FOXM1: variants seen among roughly 807,000 people sequenced by gnomAD.
FOXM1 encodes forkhead box protein M1.
In FOXM1, 25 loss-of-function variants were observed where a neutral mutation model predicts 63.6. The ratio of observed to expected loss-of-function variants is 0.39; its 90% CI spans 0.29 to 0.55. The LOEUF is 0.55. FOXM1 is among the 20% of genes least tolerant of loss of function. The pLI, the probability that FOXM1 is intolerant of heterozygous loss-of-function variation, is 0.60. For missense variants in FOXM1, 879 were observed against 958.7 expected (o/e 0.92, Z 1.10); for synonymous variants, 387 against 376.9 (o/e 1.03, Z -0.31).
chr12:2,867,754 T>A (rs1288978527), intron 4 of FOXM1, among the ~76,000 whole-genome samples: 1 of 149,614 alleles, frequency 6.7e-6, no homozygotes, highest in Non-Finnish European at 1.5e-5. Context: ...GACGGGTGGA[T>A]CATTTGAGGT....
At position 2,874,484 on chromosome 12, in the gene FOXM1, A is replaced by G. The variant is rs1423228919; in HGVS notation, c.-6T>C. 1.9e-6 allele frequency: 3 copies of G among 1,599,378 alleles called. No individual in the cohort carries two copies. Among genetic ancestry groups the G allele is most frequent in the Admixed American group, 3.5e-5 (2 of 57,926 alleles). ...CGACGGGGGCTAGTTTTCATTATGA[A>G]TCTGCGTTTTCACTCTCCATTGAGA... On this transcript the variant is annotated 5_prime_UTR_variant, in exon 2 of 9. Transcript: ENST00000359843. This position sits in a 1 kb window ranked among gnomAD's most constrained non-coding sequence, Gnocchi z 4.3.
chr12:2,864,994 C>G lies in FOXM1; in HGVS notation c.1021-242G>C, dbSNP rs2098120540. ...GGCACTACCGCTTCACCCACGTGTC[C>G]TCAACACCCCTGGGGGATGCCAGAG... On this transcript the variant is annotated intron_variant, in intron 6 of 8. Coordinates refer to ENST00000359843, the MANE Select transcript of FOXM1 (RefSeq NM_021953.4). This position sits in a 1 kb window ranked among gnomAD's most constrained non-coding sequence, Gnocchi z 5.1. The G allele has an allele frequency of 1.7e-6, 1 of 595,122 alleles. No homozygotes were observed. Among genetic ancestry groups the G allele is most frequent in the Admixed American group, 2.9e-5 (1 of 34,928 alleles). 36.9% of individuals were successfully genotyped at this position (595,122 alleles called of 1,614,324 possible).
At chr12:2,859,774 T>G (rs1469599616) in intron 8 of FOXM1, 111 bp from the exon 9 acceptor site, 3 of 775,916 alleles carry the variant, frequency 3.9e-6, no homozygotes, top group African/African-American at 1.8e-5. Flanking sequence ...TTAAAATCTA[T>G]TAAATATGAG....
In FOXM1 at chr12:2,873,918, C is replaced by T. The variant is rs1347776509; in HGVS notation, c.502+59G>A. ...GTAAGCATCAAGACTGACTACACAC[C>T]TTGCCACTACAGAGGAAAGGCTGGG... On this transcript the variant is annotated intron_variant, in intron 2 of 8. Coordinates refer to ENST00000359843, the MANE Select transcript of FOXM1 (RefSeq NM_021953.4). 4 of 1,542,880 alleles carry T rather than the reference C, an allele frequency of 2.6e-6. No individual in the cohort carries two copies. In the East Asian group the frequency reaches 9.0e-5, roughly 35 times the overall value.
rs2098136493 is a variant in FOXM1 at position 2,873,396 on chromosome 12, C to T, written c.502+581G>A. 2.8e-5 allele frequency among the ~76,000 whole-genome samples: 3 copies of T among 108,616 alleles called. 1 individual carries two copies. In the Admixed American group the frequency reaches 3.1e-4, roughly 11 times the overall value. The allele number at this position is 108,616 out of a possible 152,430, so 71.3% of individuals were successfully genotyped here. ...CTTGGGCAACAGAGCAAGACTCCAT[C>T]TCAAAAAAAAAAAAAAAAAAAAGAA... On this transcript the variant is annotated intron_variant, in intron 2 of 8. Transcript: ENST00000359843.
At chr12:2,862,711 T>A (rs549772631) in intron 8 of FOXM1, among the ~76,000 whole-genome samples, 1 of 151,866 alleles carries the variant, frequency 6.6e-6, no homozygotes, top group Non-Finnish European at 1.5e-5. Flanking sequence ...AAAAAAAATT[T>A]TTTTTTTTTT....
At chr12:2,875,612 C>T (rs1201405576) in intron 1 of FOXM1, among the ~76,000 whole-genome samples, 1 of 152,146 alleles carries the variant, frequency 6.6e-6, no homozygotes, top group Non-Finnish European at 1.5e-5. Flanking sequence ...TTTAACTAAG[C>T]ATGCCACTTT....
Position 2,872,653 on chromosome 12 carries a change from A to G in FOXM1, c.503-406T>C, listed in dbSNP as rs1478629199. On this transcript the variant is annotated intron_variant, in intron 2 of 8. Transcript: ENST00000359843. The surrounding 1 kb of genome is among the most constrained non-coding windows in gnomAD (Gnocchi z 4.0). ...ATTGGTGGCTAGGGATCACTTGTCCAAGACCTCTGCCTTTAGGGACGGAGA... is the reference window on the plus strand; with the variant it reads ...ATTGGTGGCTAGGGATCACTTGTCCGAGACCTCTGCCTTTAGGGACGGAGA... 6.6e-6 allele frequency among the ~76,000 whole-genome samples: 1 copy of G among 152,182 alleles called. No individual in the cohort carries two copies. Among genetic ancestry groups the G allele is most frequent in the African/African-American group, 2.4e-5 (1 of 41,460 alleles).
rs141224751 is a variant in FOXM1, at chr12:2,859,415, C to T, written c.1515G>A (p.Ser505=). The T allele has an allele frequency of 4.5e-4, 733 of 1,613,916 alleles. 9 individuals are homozygous for T. In the South Asian group the frequency reaches 5.9e-3, roughly 13 times the overall value. ...TGGGTCTTGGGGTGGGAGATTGGGA[C>T]GAATCCTCCCAGGAGTGAGATGATT... is the stretch of plus-strand genomic sequence containing the variant. ...KEESSHSWED[S]SQSPTPRPKK... The change falls in exon 9 of 9, where the codon TCG becomes TCA. Residue 505 remains serine, a synonymous_variant. Transcript: ENST00000359843.
At chr12:2,863,605 G>C (rs1352899789) in intron 8 of FOXM1, 1 of 152,200 alleles carries the variant, frequency 6.6e-6, no homozygotes, top group Non-Finnish European at 1.5e-5. Flanking sequence ...ATGTTGCCCA[G>C]GCTGGTCTCG....
rs1268993108 is a variant in FOXM1, at chr12:2,874,841, C to A, written c.-47-316G>T. 6.6e-6 allele frequency among the ~76,000 whole-genome samples: 1 copy of A among 152,112 alleles called. No homozygotes were observed. The highest frequency in any genetic ancestry group is 1.5e-5 in the Non-Finnish European group (1 of 68,038). On this transcript the variant is annotated intron_variant, in intron 1 of 8. Coordinates refer to ENST00000359843, the MANE Select transcript of FOXM1 (RefSeq NM_021953.4). This position sits in a 1 kb window ranked among gnomAD's most constrained non-coding sequence, Gnocchi z 4.3. Reference sequence around the variant, plus strand: ...GGGATAGCTACAAATATGTGGAAATCTCTATAATTGCCTACTATAATATAA... The same window carrying A: ...GGGATAGCTACAAATATGTGGAAATATCTATAATTGCCTACTATAATATAA...
In FOXM1 at chr12:2,864,185, C is replaced by G. The variant is rs2098118897; in HGVS notation, c.1266+135G>C. The G allele has an allele frequency of 1.3e-6, 1 of 775,738 alleles. No homozygotes were observed. Among genetic ancestry groups the G allele is most frequent in the Non-Finnish European group, 2.1e-6 (1 of 473,724 alleles). The allele number at this position is 775,738 out of a possible 1,614,324, so 48.1% of individuals were successfully genotyped here. A position where few individuals can be genotyped will look rare whatever the true frequency, so the allele number is the denominator to read the frequency against. On this transcript the variant is annotated intron_variant, in intron 8 of 8. Transcript: ENST00000359843. The surrounding 1 kb of genome is among the most constrained non-coding windows in gnomAD (Gnocchi z 5.1). Reference sequence around the variant, plus strand: ...GCTCTTCTAATGCTATTACACTTCCCTATGTTTTTATGCCTTTTCTACCCA... The same window carrying G: ...GCTCTTCTAATGCTATTACACTTCCGTATGTTTTTATGCCTTTTCTACCCA...
intron 8 of FOXM1, chr12:2,859,889 A>C: frequency 1.9e-6 from 1 of 533,476 alleles, no homozygotes. Context: ...AGAGGAAATA[A>C]AATTGCATGC....
In FOXM1 at chr12:2,874,179, A is replaced by G; in HGVS notation, c.300T>C (p.Ser100=). ...TGAGGATGAATTTGTTGGGCCCACT[A>G]CTGCCACTCTCTTTTCCCTTGGCAG... The part of the protein sequence containing the change: ...ALTAKGKESG[S]SGPNKFILIS... Residue 100 remains serine, a synonymous_variant, in exon 2 of 9, where the codon AGT becomes AGC. Coordinates refer to ENST00000359843, the MANE Select transcript of FOXM1 (RefSeq NM_021953.4). The surrounding 1 kb of genome is among the most constrained non-coding windows in gnomAD (Gnocchi z 4.3). 6.2e-7 allele frequency: 1 copy of G among 1,614,112 alleles called. No individual in the cohort carries two copies. Among genetic ancestry groups the G allele is most frequent in the Non-Finnish European group, 8.5e-7 (1 of 1,180,022 alleles).
chr12:2,865,487 T>C (rs1411614266), intron 5 of FOXM1, 88 bp from the exon 6 acceptor site: 2 of 1,080,338 alleles, frequency 1.9e-6, no homozygotes, highest in African/African-American at 3.2e-5. Context: ...AAACACTTAT[T>C]CCTGACTGAT....
intron 8 of FOXM1, among the ~76,000 whole-genome samples, chr12:2,860,031 TA>T (rs200539478): frequency 4.0e-5 from 6 of 149,056 alleles, no homozygotes; most frequent in Non-Finnish European, 7.5e-5. Context: ...TGACTGGCTT[TA>T]AAAAAAAAAT....
At position 2,860,611 on chromosome 12, in the gene FOXM1, C is replaced by T. The variant is rs28918678; in HGVS notation, c.1267-948G>A. ...ACAGGGGGCTGGGTGCGGTGGCTCA[C>T]GCCTGTAATCCAGCACTTTGGGAGG... On this transcript the variant is annotated intron_variant, in intron 8 of 8. Transcript: ENST00000359843. 9.5e-4 allele frequency among the ~76,000 whole-genome samples: 145 copies of T among 152,196 alleles called. 1 individual carries two copies. Among genetic ancestry groups the T allele is most frequent in the East Asian group, 6.6e-3 (34 of 5,152 alleles).
rs866006287 is a variant in FOXM1, at chr12:2,875,761, A to T, written c.-48+1159T>A. 9.3e-3 allele frequency among the ~76,000 whole-genome samples: 1,233 copies of T among 133,270 alleles called. 20 individuals carry two copies. Among genetic ancestry groups the T allele is most frequent in the African/African-American group, 0.032 (1,136 of 35,246 alleles). 87.4% of individuals were successfully genotyped at this position (133,270 alleles called of 152,430 possible). On this transcript the variant is annotated intron_variant, in intron 1 of 8. Transcript: ENST00000359843. ...TTAAGTCTTTTGTTGATTTTTTTTA[A>T]TTTTTTTTTTTTTTTTGAGACGGAG...
In FOXM1 at chr12:2,858,156, C is replaced by T. The variant is rs1565457516; in HGVS notation, c.*482G>A. 6.5e-6 allele frequency: 1 copy of T among 154,900 alleles called. No homozygotes were observed. The highest frequency in any genetic ancestry group is 2.0e-4 in the South Asian group (1 of 4,948). 9.6% of individuals were successfully genotyped at this position (154,900 alleles called of 1,614,324 possible). A position where few individuals can be genotyped will look rare whatever the true frequency, so the allele number is the denominator to read the frequency against. Reference sequence around the variant, plus strand: ...AAGAAACCGTGCACTGCAGGTCTTCCCTTCTATCAAAACTAAAAGCAAGGA... The same window carrying T: ...AAGAAACCGTGCACTGCAGGTCTTCTCTTCTATCAAAACTAAAAGCAAGGA... On this transcript the variant is annotated 3_prime_UTR_variant, in exon 9 of 9. Coordinates refer to ENST00000359843, the MANE Select transcript of FOXM1 (RefSeq NM_021953.4).
Sources: allele counts gnomAD v4.1 joint callset (sites outside exome capture counted in the v4.1 genomes callset), GRCh38; gene constraint gnomAD v4.1.1; non-coding constraint Gnocchi (gnomAD v3.1); transcripts MANE v1.5; gene names NCBI Gene and HGNC (gene_info 2026-07-23, HGNC 2026-07-21).